The following TBL1XR1 variants were observed in gnomAD, a reference collection of about 807,000 sequenced individuals.
TBL1XR1 encodes the protein TBL1X/Y related 1.
Under a neutral mutation model 66.9 loss-of-function variants are expected in TBL1XR1, and 5 were observed. The observed-to-expected ratio is 0.07, with a 90% CI of 0.04 to 0.16. The LOEUF (loss-of-function observed/expected upper bound fraction) is 0.16, where lower values mean the gene tolerates loss of function less well. Among genes scored for constraint, TBL1XR1 ranks in the 10% least tolerant of loss-of-function variants. The pLI is 1.00. For synonymous variants in TBL1XR1, 210 were observed against 206.0 expected, an observed-to-expected ratio of 1.02 and a Z score of -0.17; for missense variants, 238 against 623.2, an observed-to-expected ratio of 0.38 and a Z score of 6.58.
At chr3:177,080,628 T>C (rs1035939074) in intron 2 of TBL1XR1, among the ~76,000 whole-genome samples, 4 of 152,136 alleles carry the variant, frequency 2.6e-5, no homozygotes, top group Non-Finnish European at 4.4e-5. Flanking sequence ...AGAAAAAATA[T>C]ATATTTTTTT....
At chr3:177,168,588 C>T (rs1034796582) in intron 1 of TBL1XR1, among the ~76,000 whole-genome samples, 1 of 152,064 alleles carries the variant, frequency 6.6e-6, no homozygotes, top group African/African-American at 2.4e-5. Flanking sequence ...GGCCATGAAC[C>T]GTTTTCTAAA....
At chr3:177,135,487 C>T (rs2108802056) in intron 1 of TBL1XR1, among the ~76,000 whole-genome samples, 1 of 145,160 alleles carries the variant, frequency 6.9e-6, no homozygotes, top group African/African-American at 2.5e-5. Context: ...GGGTTCACAC[C>T]ATTCTCCTGC....
intron 3 of TBL1XR1, among the ~76,000 whole-genome samples, chr3:177,064,442 T>C (rs1240723866): frequency 2.0e-5 from 3 of 152,198 alleles, no homozygotes; most frequent in Admixed American, 6.5e-5. Flanking sequence ...ATGATTTCTA[T>C]TTATAATTAC....
At chr3:177,123,919 C>T (rs1727296801) in intron 1 of TBL1XR1, among the ~76,000 whole-genome samples, 2 of 152,176 alleles carry the variant, frequency 1.3e-5, no homozygotes, top group Non-Finnish European at 1.5e-5. Context: ...CATTTTCCTA[C>T]AATTCATGCA....
chr3:177,102,448 C>T (rs1411319895), intron 1 of TBL1XR1, among the ~76,000 whole-genome samples: 1 of 152,144 alleles, frequency 6.6e-6, no homozygotes, highest in Admixed American at 6.5e-5. Flanking sequence ...AGCCATCATG[C>T]AATGCATTTA....
chr3:177,040,707 AT>A (rs1452764545), intron 10 of TBL1XR1, among the ~76,000 whole-genome samples: 1 of 152,140 alleles, frequency 6.6e-6, no homozygotes, highest in Admixed American at 6.6e-5. Flanking sequence ...CTAAAGACAA[AT>A]CAGGTAAGCC....
chr3:177,151,502 G>A lies in TBL1XR1; in HGVS notation c.-122+45619C>T, dbSNP rs112085315. ...CACATTTGAGGGACTTAGACTGTAC[G>A]CTCCTTATGAGAATCTAACTAATGC... On this transcript the variant is annotated intron_variant, in intron 1 of 15. Coordinates refer to ENST00000457928, the MANE Select transcript of TBL1XR1 (RefSeq NM_024665.7). 3.9e-5 allele frequency among the ~76,000 whole-genome samples: 6 copies of A among 152,224 alleles called. No individual in the cohort carries two copies. In the South Asian group the frequency reaches 6.2e-4, roughly 16 times the overall value.
At chr3:177,104,129 A>AG (rs1553844014) in intron 1 of TBL1XR1, among the ~76,000 whole-genome samples, 25 of 141,234 alleles carry the variant, frequency 1.8e-4, no homozygotes, top group African/African-American at 2.4e-4. Context: ...AAAAAAAAAA[A>AG]AGAGAGAGAG....
intron 1 of TBL1XR1, among the ~76,000 whole-genome samples, chr3:177,193,176 T>G (rs1409280787): frequency 4.0e-5 from 6 of 151,496 alleles, no homozygotes; most frequent in Non-Finnish European, 5.9e-5. Context: ...AAAATAAAAT[T>G]TTAAAAAATA....
At chr3:177,105,195 T>C (rs1396827779) in intron 1 of TBL1XR1, among the ~76,000 whole-genome samples, 1 of 152,230 alleles carries the variant, frequency 6.6e-6, no homozygotes, top group Non-Finnish European at 1.5e-5. Context: ...AATGTGTAAC[T>C]ATAACTGTTT....
In TBL1XR1 at chr3:177,082,740, A is replaced by T. The variant is rs9879497; in HGVS notation, c.-46+15726T>A. On this transcript the variant is annotated intron_variant, in intron 2 of 15. Coordinates refer to ENST00000457928, the MANE Select transcript of TBL1XR1 (RefSeq NM_024665.7). ...TTACTAAATTTCTAAGATAGAGATT[A>T]TATATATATATATATATATATATAT... Among the ~76,000 whole-genome samples, 444 of 48,694 alleles carry T rather than the reference A, an allele frequency of 9.1e-3. 20 individuals carry two copies. The highest frequency in any genetic ancestry group is 0.027 in the East Asian group (21 of 768). The allele number at this position is 48,694 out of a possible 152,430, so 31.9% of individuals were successfully genotyped here. A position where few individuals can be genotyped will look rare whatever the true frequency, so the allele number is the denominator to read the frequency against.
chr3:177,162,181 T>A (rs568316028), intron 1 of TBL1XR1, among the ~76,000 whole-genome samples: 1 of 152,340 alleles, frequency 6.6e-6, no homozygotes, highest in African/African-American at 2.4e-5. Context: ...AAACGCCACA[T>A]ATCTGTCCAA....
At chr3:177,107,461 G>A (rs1725019648) in intron 1 of TBL1XR1, among the ~76,000 whole-genome samples, 1 of 152,112 alleles carries the variant, frequency 6.6e-6, no homozygotes, top group African/African-American at 2.4e-5. Context: ...CAAAATAGCT[G>A]CCAGAAATAC....
rs1184933627 is a variant in TBL1XR1 at position 177,064,715 on chromosome 3, C to A, written c.58+205G>T. 2.2e-5 allele frequency among the ~76,000 whole-genome samples: 3 copies of A among 135,574 alleles called. No homozygotes were observed. In the East Asian group the frequency reaches 7.2e-4, roughly 33 times the overall value. 88.9% of individuals were successfully genotyped at this position (135,574 alleles called of 152,430 possible). ...TTGAACAACGAAAGCCAAACTGTTA[C>A]AAATAATTGCCTTGTTTGCAACATA... On this transcript the variant is annotated intron_variant, in intron 3 of 15. Transcript: ENST00000457928.
intron 1 of TBL1XR1, among the ~76,000 whole-genome samples, chr3:177,118,487 C>T (rs544410214): frequency 6.6e-6 from 1 of 152,184 alleles, no homozygotes; most frequent in South Asian, 2.1e-4. Context: ...CTTATACTCA[C>T]CCTTTCACTG....
chr3:177,163,111 A>G (rs1006482041), intron 1 of TBL1XR1, among the ~76,000 whole-genome samples: 9 of 152,178 alleles, frequency 5.9e-5, no homozygotes, highest in African/African-American at 2.2e-4. Flanking sequence ...TTCACTCAAC[A>G]TTGCCACAGC....
At chr3:177,047,796 G>C in intron 7 of TBL1XR1, 1 of 450,102 alleles carries the variant, frequency 2.2e-6, no homozygotes. Context: ...CTCTGGACCA[G>C]GATCTACATC....
chr3:177,039,774 G>A (rs748037480), intron 10 of TBL1XR1, among the ~76,000 whole-genome samples: 4 of 152,188 alleles, frequency 2.6e-5, no homozygotes, highest in South Asian at 2.1e-4. Flanking sequence ...GTGCAATGGG[G>A]GAGGAGGGGA....
intron 2 of TBL1XR1, among the ~76,000 whole-genome samples, chr3:177,069,270 T>C (rs930949046): frequency 5.3e-5 from 8 of 152,122 alleles, no homozygotes; most frequent in Non-Finnish European, 8.8e-5. Context: ...GCCTAAAAAA[T>C]GTATTAGAAG....
Sources: gnomAD v4.1 joint callset for allele counts (sites outside exome capture counted in the v4.1 genomes callset) on GRCh38, gnomAD v4.1.1 for gene constraint, MANE v1.5 for transcripts, NCBI Gene and HGNC (gene_info 2026-07-23, HGNC 2026-07-21) for gene names.